The following SMURF2 variants were observed in gnomAD, a reference collection of about 807,000 sequenced individuals.
SMURF2 encodes the protein SMAD specific E3 ubiquitin protein ligase 2.
In SMURF2, 48 loss-of-function variants were observed where a neutral mutation model predicts 109.6. The ratio of observed to expected loss-of-function variants is 0.44; its 90% CI spans 0.35 to 0.56. The LOEUF (loss-of-function observed/expected upper bound fraction) is 0.56, where lower values mean the gene tolerates loss of function less well. Ranked by LOEUF, SMURF2 falls within the 20% of genes least tolerant of loss-of-function variation. The probability of loss-of-function intolerance (pLI) is 0.01; values close to 1 mark genes in which losing one functional copy is unlikely to be tolerated. For synonymous variants in SMURF2, 288 were observed against 317.1 expected, an observed-to-expected ratio of 0.91 and a Z score of 0.97; for missense variants, 575 against 909.0, an observed-to-expected ratio of 0.63 and a Z score of 4.72.
rs576630153 is a variant in SMURF2 at position 64,641,855 on chromosome 17, G to A, written c.52+19974C>T. 3.2e-4 allele frequency among the ~76,000 whole-genome samples: 49 copies of A among 152,258 alleles called. 1 individual carries two copies. In the South Asian group the frequency reaches 1.0e-2, roughly 31 times the overall value. On this transcript the variant is annotated intron_variant, in intron 1 of 18. Transcript: ENST00000262435. ...TAAAACTATTAGTCTCACTCCAGCT[G>A]GAATGCAATGGCACAATCTCGGCTC...
rs1410795652 is a variant in SMURF2 at position 64,545,935 on chromosome 17, T to C, written c.2160A>G (p.Ile720Met). 3.7e-6 allele frequency: 6 copies of C among 1,605,400 alleles called. No individual in the cohort carries two copies. Among genetic ancestry groups the C allele is most frequent in the Admixed American group, 1.7e-5 (1 of 59,980 alleles). Residue 720 changes from isoleucine to methionine, a missense_variant, in exon 19 of 19, where the codon ATA becomes ATG. Ile to Met is a conservative substitution (Grantham distance 10). Around this residue, in one of 5 missense-constraint regions of SMURF2, gnomAD observed 361 missense variants for 612.1 expected, o/e 0.59. Transcript: ENST00000262435. ...CATAGCTTTCATAGGGTGGAATGTC[T>C]ATTCGATTGAAGCTGTGAATAAGCA... ...LPKAHTCFNRIDIPPYESYEK... is the reference protein window; with the variant it reads ...LPKAHTCFNRMDIPPYESYEK...
At chr17:64,626,687 T>C (rs1329772180) in intron 1 of SMURF2, among the ~76,000 whole-genome samples, 1 of 151,960 alleles carries the variant, frequency 6.6e-6, no homozygotes, top group Admixed American at 6.6e-5. Context: ...CGCTTGAACC[T>C]AAGAGGCAGA....
Position 64,556,102 on chromosome 17 carries a change from A to C in SMURF2, c.1432-104T>G, listed in dbSNP as rs16947875. The C allele has an allele frequency of 0.015, 12,062 of 829,174 alleles. 1,054 individuals are homozygous for C. In the African/African-American group the frequency reaches 0.19, roughly 13 times the overall value. The allele number at this position is 829,174 out of a possible 1,614,324, so 51.4% of individuals were successfully genotyped here. On this transcript the variant is annotated intron_variant, in intron 13 of 18. Transcript: ENST00000262435. ...TTAATCTTTTTGAGAATAAGCATAAAATTTTTACTCTTCAATAGAGTCAGG... is the reference window on the plus strand; with the variant it reads ...TTAATCTTTTTGAGAATAAGCATAACATTTTTACTCTTCAATAGAGTCAGG...
rs1968938073 is a variant in SMURF2, at chr17:64,545,644, A to G, written c.*204T>C. 2.5e-6 allele frequency: 1 copy of G among 402,080 alleles called. No homozygotes were observed. Among genetic ancestry groups the G allele is most frequent in the Non-Finnish European group, 4.5e-6 (1 of 224,172 alleles). The allele number at this position is 402,080 out of a possible 1,614,324, so 24.9% of individuals were successfully genotyped here. Reference sequence around the variant, plus strand: ...GCAGCTGAATGTGGCCTCATGGCAAAGCATAAAGACCTTTTTTTTCCTTGA... The same window carrying G: ...GCAGCTGAATGTGGCCTCATGGCAAGGCATAAAGACCTTTTTTTTCCTTGA... On this transcript the variant is annotated 3_prime_UTR_variant, in exon 19 of 19. Transcript: ENST00000262435.
At chr17:64,583,898 C>T (rs781859369) in intron 6 of SMURF2, among the ~76,000 whole-genome samples, 5 of 151,806 alleles carry the variant, frequency 3.3e-5, no homozygotes, top group African/African-American at 4.9e-5. Flanking sequence ...CTCTTGACTT[C>T]GTGATCCACC....
chr17:64,634,114 A>G (rs1186084534), intron 1 of SMURF2, among the ~76,000 whole-genome samples: 4 of 152,232 alleles, frequency 2.6e-5, no homozygotes, highest in African/African-American at 9.6e-5. Flanking sequence ...AGATCCCACC[A>G]CTGCACTCCA....
intron 16 of SMURF2, among the ~76,000 whole-genome samples, chr17:64,549,216 G>C (rs1479312360): frequency 6.8e-6 from 1 of 146,192 alleles, no homozygotes; most frequent in African/African-American, 2.6e-5. Context: ...GAGGTTGTAG[G>C]GAGCTGAGAT....
At position 64,561,507 on chromosome 17, in the gene SMURF2, C is replaced by T. The variant is rs1241084746; in HGVS notation, c.1309G>A (p.Val437Ile). The T allele has an allele frequency of 6.8e-6, 11 of 1,610,852 alleles. No individual in the cohort carries two copies. The highest frequency in any genetic ancestry group is 1.6e-4 in the Middle Eastern group (1 of 6,078). The change falls in exon 12 of 19, where the codon GTT becomes ATT. Residue 437 changes from valine to isoleucine, a missense_variant. By Grantham distance (29) the Val-to-Ile change is conservative. This residue lies in a region of SMURF2 where 361 missense variants were observed against 612.1 expected (regional missense o/e 0.59). Coordinates refer to ENST00000262435, the MANE Select transcript of SMURF2 (RefSeq NM_022739.4). ...TGGCAAGCAAGTCCATACCTGGCAA[C>T]GCCTCCATAGTCAAGGCCTTCTTCT... is the stretch of plus-strand genomic sequence containing the variant. ...RGEEGLDYGG[V>I]AREWLYLLSH...
chr17:64,561,363 A>G, intron 12 of SMURF2, 137 bp downstream of exon 12: 1 of 627,890 alleles, frequency 1.6e-6, no homozygotes, highest in South Asian at 2.0e-5. Context: ...GAATATATCT[A>G]TTAGGATATC....
intron 2 of SMURF2, among the ~76,000 whole-genome samples, chr17:64,601,393 A>G (rs1487951655): frequency 6.6e-6 from 1 of 152,180 alleles, no homozygotes; most frequent in Non-Finnish European, 1.5e-5. Flanking sequence ...ACATCAATAG[A>G]CAATTCTCAA....
chr17:64,604,143 C>T (rs1555688841), intron 2 of SMURF2, among the ~76,000 whole-genome samples: 1 of 152,178 alleles, frequency 6.6e-6, no homozygotes, highest in East Asian at 1.9e-4. Context: ...AAATCTACCA[C>T]AGAATGGACC....
chr17:64,640,072 A>G (rs1313786933), intron 1 of SMURF2, among the ~76,000 whole-genome samples: 5 of 152,212 alleles, frequency 3.3e-5, no homozygotes, highest in Non-Finnish European at 7.3e-5. Context: ...AGATTTACAG[A>G]TCTTTAGATT....
intron 1 of SMURF2, among the ~76,000 whole-genome samples, chr17:64,625,634 T>C (rs1970256803): frequency 6.6e-6 from 1 of 152,140 alleles, no homozygotes; most frequent in Admixed American, 6.5e-5. Flanking sequence ...GTCCTCATGG[T>C]TCTCAAACTT....
chr17:64,566,046 T>C (rs1468422013), intron 10 of SMURF2, among the ~76,000 whole-genome samples: 1 of 151,996 alleles, frequency 6.6e-6, no homozygotes, highest in Non-Finnish European at 1.5e-5. Flanking sequence ...AATAAGGTAA[T>C]ACTATATTTG....
At chr17:64,582,364 G>C (rs1369407928) in intron 7 of SMURF2, among the ~76,000 whole-genome samples, 6 of 152,196 alleles carry the variant, frequency 3.9e-5, no homozygotes, top group African/African-American at 1.4e-4. Context: ...CACTGCACAA[G>C]ATGGCAAATT....
intron 1 of SMURF2, among the ~76,000 whole-genome samples, chr17:64,625,366 C>T (rs947584526): frequency 1.3e-5 from 2 of 152,154 alleles, no homozygotes; most frequent in East Asian, 1.9e-4. Context: ...TGTGTTAAAT[C>T]CCCAAATCAT....
In SMURF2 at chr17:64,603,167, T is replaced by C. The variant is rs991742877; in HGVS notation, c.91+3435A>G. 3.3e-5 allele frequency among the ~76,000 whole-genome samples: 5 copies of C among 150,758 alleles called. 1 individual carries two copies. The highest frequency in any genetic ancestry group is 1.2e-4 in the African/African-American group (5 of 41,118). On this transcript the variant is annotated intron_variant, in intron 2 of 18. Transcript: ENST00000262435. Reference sequence around the variant, plus strand: ...TTAGCCAACCCATCTTGGTTTTAAATGACTTCAATTTGGCCCCCTATAAAA... The same window carrying C: ...TTAGCCAACCCATCTTGGTTTTAAACGACTTCAATTTGGCCCCCTATAAAA...
At chr17:64,655,984 A>C (rs1233733261) in intron 1 of SMURF2, among the ~76,000 whole-genome samples, 1 of 152,314 alleles carries the variant, frequency 6.6e-6, no homozygotes, top group South Asian at 2.1e-4. Context: ...GCTATATCTG[A>C]CTCTATAACT....
At chr17:64,621,779 C>T (rs1384201479) in intron 1 of SMURF2, among the ~76,000 whole-genome samples, 1 of 151,474 alleles carries the variant, frequency 6.6e-6, no homozygotes, top group Admixed American at 6.6e-5. Flanking sequence ...GAGGCTGAGG[C>T]AGGAGAATTG....
Sources: gnomAD v4.1 joint callset for allele counts (sites outside exome capture counted in the v4.1 genomes callset) on GRCh38, gnomAD v4.1.1 for gene constraint, gnomAD v4.1.1 regional missense constraint, MANE v1.5 for transcripts, NCBI Gene and HGNC (gene_info 2026-07-23, HGNC 2026-07-21) for gene names.